The following PDGFD variants were observed in gnomAD, a reference collection of about 807,000 sequenced individuals.
The protein encoded by PDGFD is platelet derived growth factor D.
Under a neutral mutation model 44.7 loss-of-function variants are expected in PDGFD, and 30 were observed. That is an observed-to-expected ratio of 0.67 (90% CI 0.50 to 0.91). The LOEUF (loss-of-function observed/expected upper bound fraction) is 0.91. Among genes scored for constraint, PDGFD ranks in the 40% least tolerant of loss-of-function variants. The pLI is 0.00. For missense variants in PDGFD, 445 were observed against 457.8 expected, an observed-to-expected ratio of 0.97 and a Z score of 0.25; for synonymous variants, 173 against 168.4, an observed-to-expected ratio of 1.03 and a Z score of -0.21.
At chr11:103,933,070 C>G (rs1031244472) in intron 5 of PDGFD, among the ~76,000 whole-genome samples, 1 of 152,174 alleles carries the variant, frequency 6.6e-6, no homozygotes, top group Non-Finnish European at 1.5e-5. Flanking sequence ...CAGATGCAAA[C>G]ATCAAGGTGC....
At chr11:104,061,489 G>T (rs1223172090) in intron 1 of PDGFD, among the ~76,000 whole-genome samples, 2 of 152,126 alleles carry the variant, frequency 1.3e-5, no homozygotes, top group South Asian at 2.1e-4. Context: ...TTTTAAAAGC[G>T]ATCAAAAATC....
At chr11:104,028,091 G>A (rs1265951513) in intron 1 of PDGFD, among the ~76,000 whole-genome samples, 2 of 151,600 alleles carry the variant, frequency 1.3e-5, no homozygotes, top group African/African-American at 4.8e-5. Context: ...TCTGGAGACT[G>A]AGGCAGGAGA....
chr11:104,163,345 C>T (rs1016534496), intron 1 of PDGFD, among the ~76,000 whole-genome samples: 1 of 152,098 alleles, frequency 6.6e-6, no homozygotes, highest in African/African-American at 2.4e-5. Flanking sequence ...GATTTCTCCT[C>T]TCACTCGTAA....
intron 1 of PDGFD, chr11:104,038,902 A>G (rs1860301390): frequency 6.0e-6 from 1 of 167,066 alleles, no homozygotes; most frequent in Non-Finnish European, 1.5e-5. Context: ...TGCTTTATAC[A>G]TTAAGCTGCT....
intron 1 of PDGFD, chr11:104,037,223 T>C: frequency 6.2e-7 from 1 of 1,613,670 alleles, no homozygotes; most frequent in African/African-American, 1.3e-5. Flanking sequence ...GGAGAGAAGG[T>C]GGCCGGCCTG....
chr11:103,924,268 A>G (rs1192774515), intron 6 of PDGFD, among the ~76,000 whole-genome samples: 1 of 152,224 alleles, frequency 6.6e-6, no homozygotes, highest in East Asian at 1.9e-4. Flanking sequence ...CACAGTTACT[A>G]CTAGGTAGAG....
chr11:104,067,894 C>T (rs1477697408), intron 1 of PDGFD, among the ~76,000 whole-genome samples: 1 of 152,060 alleles, frequency 6.6e-6, no homozygotes, highest in Non-Finnish European at 1.5e-5. Flanking sequence ...AATTAAAACA[C>T]TTTTGCTTTA....
intron 3 of PDGFD, among the ~76,000 whole-genome samples, chr11:103,994,230 CA>C (rs1859500923): frequency 6.6e-6 from 1 of 152,202 alleles, no homozygotes; most frequent in African/African-American, 2.4e-5. Context: ...AAAACATTAG[CA>C]CTAATAGTGC....
chr11:104,038,695 T>C (rs187119327), intron 1 of PDGFD: 73 of 167,202 alleles, frequency 4.4e-4, no homozygotes, highest in Non-Finnish European at 9.2e-4. Context: ...ATTAATTTTC[T>C]ATTTCTCCTG....
Position 104,064,452 on chromosome 11 carries a change from C to T in PDGFD, c.125-64197G>A, listed in dbSNP as rs150612412. Among the ~76,000 whole-genome samples, 685 of 152,288 alleles carry T rather than the reference C, an allele frequency of 4.5e-3. 8 individuals are homozygous for T. The highest frequency in any genetic ancestry group is 0.016 in the African/African-American group (652 of 41,564). The stretch of plus-strand genomic sequence containing the variant: ...GGCAGGCAGATGCATTCATAATACC[C>T]TTGCTCAGGCGGAGACGGAATCAGT... On this transcript the variant is annotated intron_variant, in intron 1 of 6. Transcript: ENST00000393158.
chr11:104,033,489 T>A (rs1014762669), intron 1 of PDGFD, among the ~76,000 whole-genome samples: 10 of 152,112 alleles, frequency 6.6e-5, no homozygotes, highest in Admixed American at 2.6e-4. Context: ...AGTAAAAAAA[T>A]TACAGTGAGA....
rs758244975 is a variant in PDGFD, at chr11:103,926,920, A to T, written c.979T>A (p.Tyr327Asn). 3.7e-5 allele frequency: 60 copies of T among 1,613,484 alleles called. No individual in the cohort carries two copies. The highest frequency in any genetic ancestry group is 5.0e-5 in the Non-Finnish European group (59 of 1,179,688). The change falls in exon 6 of 7, where the codon TAT (tyrosine) becomes AAT (asparagine). Residue 327 changes from tyrosine to asparagine, a missense_variant. Transcript: ENST00000393158. ...ATCTAAGAATGACATACCTCATGAT[A>T]CTTTTTCACGGTTTTCCCTGAATTG... ...TCNSGKTVKK[Y>N]HEVLQFEPGH... is the part of the protein sequence containing the mutation.
rs904912282 is a variant in PDGFD, at chr11:103,984,768, T to C, written c.510+11297A>G. 4.8e-5 allele frequency among the ~76,000 whole-genome samples: 7 copies of C among 147,092 alleles called. 1 individual carries two copies. The highest frequency in any genetic ancestry group is 1.8e-4 in the African/African-American group (7 of 39,926). Reference sequence around the variant, plus strand: ...GAGGAAGTTCATGTGGCTGAGGTGCTAAAAACTAGTTAAATATATTAAATA... The same window carrying C: ...GAGGAAGTTCATGTGGCTGAGGTGCCAAAAACTAGTTAAATATATTAAATA... On this transcript the variant is annotated intron_variant, in intron 3 of 6. Transcript: ENST00000393158.
chr11:103,974,814 A>G (rs1859158056), intron 3 of PDGFD, among the ~76,000 whole-genome samples: 1 of 152,184 alleles, frequency 6.6e-6, no homozygotes, highest in Non-Finnish European at 1.5e-5. Context: ...GTTGCTGCAA[A>G]AGACATGAAC....
At chr11:103,917,146 A>T (rs1328825266) in intron 6 of PDGFD, among the ~76,000 whole-genome samples, 2 of 152,004 alleles carry the variant, frequency 1.3e-5, no homozygotes, top group Admixed American at 6.6e-5. Flanking sequence ...AATAAGTAAA[A>T]TGTGTTTTAT....
intron 1 of PDGFD, 133 bp downstream of exon 1, chr11:104,163,671 T>G: frequency 1.8e-6 from 2 of 1,116,494 alleles, no homozygotes; most frequent in South Asian, 4.2e-5. Context: ...GCAGGAGACC[T>G]CCCTCCCCAA....
At chr11:104,111,198 A>T (rs1420497324) in intron 1 of PDGFD, among the ~76,000 whole-genome samples, 6 of 151,938 alleles carry the variant, frequency 3.9e-5, no homozygotes, top group Non-Finnish European at 2.9e-5. Flanking sequence ...AGAAACTAAA[A>T]TCTACACCTG....
chr11:104,107,327 C>T (rs931577311), intron 1 of PDGFD, among the ~76,000 whole-genome samples: 2 of 152,034 alleles, frequency 1.3e-5, no homozygotes, highest in Non-Finnish European at 2.9e-5. Flanking sequence ...ATACGGCACG[C>T]GATGCTGGAT....
chr11:104,153,676 T>C (rs1452387404), intron 1 of PDGFD, among the ~76,000 whole-genome samples: 1 of 152,190 alleles, frequency 6.6e-6, no homozygotes, highest in Non-Finnish European at 1.5e-5. Flanking sequence ...AATAACCCAA[T>C]ATGTTACAAA....
Sources: allele counts gnomAD v4.1 joint callset (sites outside exome capture counted in the v4.1 genomes callset), GRCh38; gene constraint gnomAD v4.1.1; transcripts MANE v1.5; gene names NCBI Gene and HGNC (gene_info 2026-07-23, HGNC 2026-07-21).